The following DYNC2I1 variants were observed in gnomAD, a reference collection of about 807,000 sequenced individuals.
DYNC2I1 encodes the protein cytoplasmic dynein 2 intermediate chain 1.
DYNC2I1 carries 89 observed loss-of-function variants against 133.4 expected under a neutral mutation model. That is an observed-to-expected ratio of 0.67 (90% CI 0.56 to 0.80). The LOEUF is 0.80. DYNC2I1 is among the 30% of genes least tolerant of loss of function. The pLI is 0.00. For synonymous variants in DYNC2I1, 504 were observed against 484.3 expected (o/e 1.04, Z -0.54); for missense variants, 1,291 against 1,314.5 (o/e 0.98, Z 0.28).
At chr7:158,863,286 G>T (rs573044255) in intron 1 of DYNC2I1, among the ~76,000 whole-genome samples, 1 of 151,856 alleles carries the variant, frequency 6.6e-6, no homozygotes, top group Non-Finnish European at 1.5e-5. Flanking sequence ...TGATTGGTCC[G>T]TTTTTACAGA....
the DYNC2I1 span, among the ~76,000 whole-genome samples, chr7:158,846,451 G>C: frequency 5.3e-5 from 8 of 151,980 alleles, no homozygotes; most frequent in African/African-American, 1.9e-4. Flanking sequence ...GGATATTTAA[G>C]ACAAACCATA....
downstream of DYNC2I1, among the ~76,000 whole-genome samples, chr7:158,958,120 G>GC: frequency 6.7e-6 from 1 of 149,606 alleles, no homozygotes; most frequent in Non-Finnish European, 1.5e-5. Context: ...GTCTGCACCT[G>GC]CCCGTCAGCC....
intron 1 of DYNC2I1, among the ~76,000 whole-genome samples, chr7:158,862,514 C>T (rs111983416): frequency 2.9e-3 from 404 of 139,548 alleles, no homozygotes; most frequent in African/African-American, 9.7e-3. Flanking sequence ...GATGGGAGTT[C>T]GAGGCCAGCC....
chr7:158,865,812 G>A (rs1842353632), intron 1 of DYNC2I1, among the ~76,000 whole-genome samples: 1 of 152,180 alleles, frequency 6.6e-6, no homozygotes, highest in Admixed American at 6.5e-5. Flanking sequence ...GCAGAAGCAT[G>A]TGGTTTACAT....
At chr7:158,895,614 A>G (rs985171665) in intron 8 of DYNC2I1, among the ~76,000 whole-genome samples, 5 of 152,142 alleles carry the variant, frequency 3.3e-5, no homozygotes, top group Non-Finnish European at 4.4e-5. Context: ...TGTGTTGACT[A>G]TTCTGGATCT....
chr7:158,900,446 G>A lies in DYNC2I1; in HGVS notation c.1060-1293G>A, dbSNP rs376473938. ...CTGTAATTCTTATCTATGTTCCTCA[G>A]TAGATAAAGTGTTTTTTCCCCATCT... On this transcript the variant is annotated intron_variant, in intron 8 of 24. Coordinates refer to ENST00000407559, the MANE Select transcript of DYNC2I1 (RefSeq NM_018051.5). Among the ~76,000 whole-genome samples the A allele has an allele frequency of 9.2e-5, 14 of 152,190 alleles. 1 individual carries two copies. The highest frequency in any genetic ancestry group is 5.2e-4 in the Admixed American group (8 of 15,276).
intron 7 of DYNC2I1, 126 bp downstream of exon 7, chr7:158,887,201 G>A: frequency 1.1e-6 from 1 of 915,748 alleles, no homozygotes; most frequent in Non-Finnish European, 1.7e-6. Flanking sequence ...GTTTATTCGA[G>A]TGGTGATCCC....
rs1234619807 is a variant in DYNC2I1, at chr7:158,940,816, GGGATAT to G, written c.2779-1106_2779-1101del. Among the ~76,000 whole-genome samples, 12 of 152,250 alleles carry G rather than the reference GGGATAT, an allele frequency of 7.9e-5. No homozygotes were observed. The East Asian group carries it at 1.9e-3, about 24-fold the overall frequency. ...GGAAATGTGGCATATCAAAATCTAT[GGGATAT>G]GGCAAAAGCAATACTAAGAGAGAAG... On this transcript the variant is annotated intron_variant, in intron 23 of 24. Transcript: ENST00000407559.
chr7:158,895,958 T>G (rs1256233850), intron 8 of DYNC2I1, among the ~76,000 whole-genome samples: 2 of 152,234 alleles, frequency 1.3e-5, no homozygotes, highest in East Asian at 3.8e-4. Flanking sequence ...GACTGACTTT[T>G]GTATACTCAC....
upstream of DYNC2I1, among the ~76,000 whole-genome samples, chr7:158,854,527 G>T (rs2129475258): frequency 6.6e-6 from 1 of 152,166 alleles, no homozygotes; most frequent in East Asian, 1.9e-4. Flanking sequence ...AGCATTAGGA[G>T]AAATACCTAA....
chr7:158,848,180 C>T, the DYNC2I1 span, among the ~76,000 whole-genome samples: 14 of 152,124 alleles, frequency 9.2e-5, no homozygotes, highest in African/African-American at 2.9e-4. Context: ...TGGATAATTG[C>T]CACTATAAGG....
chr7:158,856,577 G>GCTGGGCAGTGCTTCTAGGCCCT lies in DYNC2I1; in HGVS notation c.-144_-143insAGGCCCTCTGGGCAGTGCTTCT. The GCTGGGCAGTGCTTCTAGGCCCT allele has an allele frequency of 1.4e-6, 1 of 705,744 alleles. No homozygotes were observed. The highest frequency in any genetic ancestry group is 2.0e-6 in the Non-Finnish European group (1 of 509,102). 43.7% of individuals were successfully genotyped at this position (705,744 alleles called of 1,614,324 possible). Reference sequence around the variant, plus strand: ...CGCACTGGGAGAGGCCGCAGGGCACGCTGGGCAGTGCTTCTGGGCCCTCTG... The same window carrying GCTGGGCAGTGCTTCTAGGCCCT: ...CGCACTGGGAGAGGCCGCAGGGCACGCTGGGCAGTGCTTCTAGGCCCTCTGGGCAGTGCTTCTGGGCCCTCTG... On this transcript the variant is annotated 5_prime_UTR_variant, in exon 1 of 25. Transcript: ENST00000407559.
In DYNC2I1 at chr7:158,891,256, C is replaced by A; in HGVS notation, c.991-9C>A. ...GTCCTGGCTGATGGGGCTGTTCTCTCTCCATTAGCATGGCCACGAGGAAGG... is the reference window on the plus strand; with the variant it reads ...GTCCTGGCTGATGGGGCTGTTCTCTATCCATTAGCATGGCCACGAGGAAGG... On this transcript the variant is annotated splice_polypyrimidine_tract_variant and intron_variant, in intron 7 of 24. Transcript: ENST00000407559. 1.2e-6 allele frequency: 2 copies of A among 1,614,044 alleles called. No homozygotes were observed. Among genetic ancestry groups the A allele is most frequent in the South Asian group, 2.2e-5 (2 of 91,088 alleles).
At chr7:158,877,085 T>A (rs933442699) in intron 4 of DYNC2I1, among the ~76,000 whole-genome samples, 3 of 152,254 alleles carry the variant, frequency 2.0e-5, no homozygotes, top group African/African-American at 7.2e-5. Context: ...TTTTGAGCCT[T>A]TTCCTGAGTG....
At position 158,927,161 on chromosome 7, in the gene DYNC2I1, G is replaced by A. The variant is rs570465010; in HGVS notation, c.2485+118G>A. On this transcript the variant is annotated intron_variant, in intron 20 of 24. Coordinates refer to ENST00000407559, the MANE Select transcript of DYNC2I1 (RefSeq NM_018051.5). The stretch of plus-strand genomic sequence containing the variant: ...ACCTGCTGGGAGCCTCAGCACGTTG[G>A]GAGGCTGAGGAAGGAGGATTGCTTG... The A allele has an allele frequency of 1.3e-5, 9 of 669,168 alleles. No individual in the cohort carries two copies. The Admixed American group carries it at 2.5e-4, about 19-fold the overall frequency. 41.5% of individuals were successfully genotyped at this position (669,168 alleles called of 1,614,324 possible).
rs543271829 is a variant in DYNC2I1 at position 158,939,959 on chromosome 7, C to G, written c.2779-1966C>G. Among the ~76,000 whole-genome samples, 9 of 152,214 alleles carry G rather than the reference C, an allele frequency of 5.9e-5. No individual in the cohort carries two copies. The South Asian group carries it at 1.7e-3, about 28-fold the overall frequency. ...AAGAGGATATAACAGTTACAAGTAT[C>G]TATGTACCCAACACCAGAGCTCCCA... On this transcript the variant is annotated intron_variant, in intron 23 of 24. Transcript: ENST00000407559.
chr7:158,900,739 T>G (rs1846162402), intron 8 of DYNC2I1, among the ~76,000 whole-genome samples: 1 of 151,526 alleles, frequency 6.6e-6, no homozygotes, highest in Non-Finnish European at 1.5e-5. Context: ...CTGTTTTTTT[T>G]TTTTTTTTTT....
chr7:158,920,449 A>G (rs1238566797), intron 15 of DYNC2I1, among the ~76,000 whole-genome samples: 687 of 69,922 alleles, frequency 9.8e-3, no homozygotes, highest in East Asian at 0.018. Flanking sequence ...CACGTGAAGT[A>G]TGTGTGCATA....
rs773990310 is a variant in DYNC2I1 at position 158,945,715 on chromosome 7, A to T, written c.3137A>T (p.Glu1046Val). ...CGGTGGGCGGCCCCGGAGGTGGACGAGTGCAACAGGCTGCGTCTGCTTTTG... is the reference window on the plus strand; with the variant it reads ...CGGTGGGCGGCCCCGGAGGTGGACGTGTGCAACAGGCTGCGTCTGCTTTTG... ...KRRWAAPEVD[E>V]CNRLRLLLQE... Residue 1046 changes from glutamate to valine, a missense_variant, in exon 25 of 25, where the codon GAG (glutamate) becomes GTG (valine). Glu to Val is a moderately radical substitution (Grantham distance 121). Coordinates refer to ENST00000407559, the MANE Select transcript of DYNC2I1 (RefSeq NM_018051.5). This position sits in a 1 kb window ranked among gnomAD's most constrained non-coding sequence, Gnocchi z 4.1. 1 of 1,609,608 alleles carries T rather than the reference A, an allele frequency of 6.2e-7. No homozygotes were observed. The highest frequency in any genetic ancestry group is 1.1e-5 in the South Asian group (1 of 90,396).
Sources: gnomAD v4.1 joint callset for allele counts (sites outside exome capture counted in the v4.1 genomes callset) on GRCh38, gnomAD v4.1.1 for gene constraint, Gnocchi (gnomAD v3.1) non-coding constraint, MANE v1.5 for transcripts, NCBI Gene and HGNC (gene_info 2026-07-23, HGNC 2026-07-21) for gene names.